RABGAP1: variants seen among roughly 807,000 people sequenced by gnomAD.
RABGAP1 encodes the protein rab GTPase-activating protein 1.
A neutral mutation model predicts 137.6 loss-of-function variants in RABGAP1; 23 were observed. The observed-to-expected ratio is 0.17, with a 90% CI of 0.12 to 0.24. The LOEUF is 0.24. RABGAP1 is among the 10% of genes least tolerant of loss of function. RABGAP1 has a pLI of 1.00. For synonymous variants in RABGAP1, 451 were observed against 450.7 expected (o/e 1.00, Z -0.01); for missense variants, 906 against 1,275.8 (o/e 0.71, Z 4.42).
intron 13 of RABGAP1, chr9:123,029,813 T>C (rs1466164273): frequency 1.1e-5 from 5 of 443,490 alleles, no homozygotes; most frequent in African/African-American, 1.0e-4. Flanking sequence ...AGACAAAAAG[T>C]GAAGCTCATT....
chr9:122,982,791 C>T (rs1159316902), intron 2 of RABGAP1, among the ~76,000 whole-genome samples: 1 of 152,106 alleles, frequency 6.6e-6, no homozygotes, highest in Non-Finnish European at 1.5e-5. Context: ...GTCACAGTTC[C>T]TGGGGAGGCT....
intron 13 of RABGAP1, among the ~76,000 whole-genome samples, chr9:123,056,547 A>T (rs149324975): frequency 6.9e-6 from 1 of 144,770 alleles, no homozygotes; most frequent in Non-Finnish European, 1.5e-5. Flanking sequence ...TGGCAGGGTC[A>T]TGGGACAATA....
chr9:123,100,610 A>T (rs2035317272), intron 24 of RABGAP1, among the ~76,000 whole-genome samples: 1 of 152,120 alleles, frequency 6.6e-6, no homozygotes, highest in Non-Finnish European at 1.5e-5. Context: ...TAGTAGAGGT[A>T]GGGTTTCACC....
chr9:123,044,083 T>G (rs1715115812), intron 13 of RABGAP1, among the ~76,000 whole-genome samples: 2 of 151,874 alleles, frequency 1.3e-5, no homozygotes, highest in Admixed American at 6.6e-5. Flanking sequence ...TTTTGTATTT[T>G]TAGTAGAGAC....
chr9:122,977,713 GAAAAA>G (rs201847384), intron 2 of RABGAP1, among the ~76,000 whole-genome samples: 2 of 146,280 alleles, frequency 1.4e-5, no homozygotes, highest in Non-Finnish European at 3.0e-5. Flanking sequence ...GTCTCAAAAA[GAAAAA>G]AAAAAGCAGG....
chr9:123,080,436 T>C (rs1283285816), intron 19 of RABGAP1, among the ~76,000 whole-genome samples: 1 of 152,250 alleles, frequency 6.6e-6, no homozygotes, highest in Admixed American at 6.5e-5. Context: ...ATGGGATTTT[T>C]CTGCCAGAAG....
At chr9:123,085,934 T>C (rs1193476673) in intron 19 of RABGAP1, among the ~76,000 whole-genome samples, 1 of 149,548 alleles carries the variant, frequency 6.7e-6, no homozygotes, top group East Asian at 1.9e-4. Flanking sequence ...GGCTTTGATT[T>C]GTTTAACATC....
intron 13 of RABGAP1, among the ~76,000 whole-genome samples, chr9:123,049,591 A>G (rs1027238766): frequency 2.6e-5 from 4 of 152,230 alleles, no homozygotes; most frequent in African/African-American, 4.8e-5. Context: ...TGTTTCAAGT[A>G]TCAGTTTTTC....
chr9:123,057,339 G>T (rs1413075832), intron 13 of RABGAP1, among the ~76,000 whole-genome samples: 1 of 151,580 alleles, frequency 6.6e-6, no homozygotes, highest in African/African-American at 2.4e-5. Context: ...TCTCAGACGG[G>T]GCGGCCGGGC....
chr9:122,988,559 C>CA (rs1471563758), intron 4 of RABGAP1, among the ~76,000 whole-genome samples: 7 of 138,948 alleles, frequency 5.0e-5, no homozygotes, highest in South Asian at 2.3e-4. Flanking sequence ...TTCCATGAAT[C>CA]AAAAAAAAAC....
chr9:123,047,961 G>T (rs1341091301), intron 13 of RABGAP1, among the ~76,000 whole-genome samples: 1 of 85,152 alleles, frequency 1.2e-5, no homozygotes, highest in East Asian at 3.1e-4. Context: ...TTTTTGAGAC[G>T]GAGTCTTGCT....
intron 2 of RABGAP1, among the ~76,000 whole-genome samples, chr9:122,960,025 A>G (rs1333719668): frequency 6.6e-6 from 1 of 152,234 alleles, no homozygotes; most frequent in Non-Finnish European, 1.5e-5. Flanking sequence ...AATGGGCTTC[A>G]TGCACGACAG....
Position 122,986,201 on chromosome 9 carries a change from A to G in RABGAP1, c.386-14A>G, listed in dbSNP as rs781565603. On this transcript the variant is annotated splice_polypyrimidine_tract_variant and intron_variant, in intron 3 of 25. Coordinates refer to ENST00000373647, the MANE Select transcript of RABGAP1 (RefSeq NM_012197.4). ...AGTGAAAGTAATCACTTCCTTATTC[A>G]TTGTTTCTTTCAGATTCTGAAGCTT... The G allele has an allele frequency of 1.0e-5, 16 of 1,607,490 alleles. No homozygotes were observed. Among genetic ancestry groups the G allele is most frequent in the South Asian group, 1.1e-5 (1 of 90,572 alleles).
chr9:122,933,367 T>C, the RABGAP1 span, among the ~76,000 whole-genome samples: 3 of 151,726 alleles, frequency 2.0e-5, no homozygotes, highest in African/African-American at 7.3e-5. Context: ...TTAAAATCTA[T>C]TTTGTCTAAT....
intron 19 of RABGAP1, among the ~76,000 whole-genome samples, chr9:123,082,930 G>A (rs700070): frequency 0.64 from 97,896 of 152,178 alleles, 38,605 homozygotes; most frequent in Non-Finnish European, 0.88. Context: ...AATTGTTTGT[G>A]TAGTTAGTAT....
At chr9:122,984,941 A>C (rs771466634) in intron 3 of RABGAP1, among the ~76,000 whole-genome samples, 4 of 152,070 alleles carry the variant, frequency 2.6e-5, no homozygotes, top group Non-Finnish European at 5.9e-5. Context: ...ACTTGTACCA[A>C]GGAAAGAGAA....
chr9:122,944,565 C>T (rs766386721), intron 1 of RABGAP1, among the ~76,000 whole-genome samples: 16 of 149,570 alleles, frequency 1.1e-4, no homozygotes, highest in Non-Finnish European at 1.8e-4. Flanking sequence ...CTCACTCTGT[C>T]GCCCAGGCTG....
At chr9:123,083,348 A>C (rs903938202) in intron 19 of RABGAP1, among the ~76,000 whole-genome samples, 4 of 152,222 alleles carry the variant, frequency 2.6e-5, no homozygotes, top group Non-Finnish European at 4.4e-5. Context: ...TTATAACTAG[A>C]CCAGACTGTA....
chr9:122,941,256 G>A (rs1588141006), intron 1 of RABGAP1, among the ~76,000 whole-genome samples, 163 bp downstream of exon 1: 1 of 152,298 alleles, frequency 6.6e-6, no homozygotes. Flanking sequence ...TCTGAGGGGA[G>A]CCGTGATTGG....
Sources: gnomAD v4.1 joint callset for allele counts (sites outside exome capture counted in the v4.1 genomes callset) on GRCh38, gnomAD v4.1.1 for gene constraint, MANE v1.5 for transcripts, NCBI Gene and HGNC (gene_info 2026-07-23, HGNC 2026-07-21) for gene names.